The following ITPKB variants were observed in gnomAD, a reference collection of about 807,000 sequenced individuals.
ITPKB encodes the protein IP3 3-kinase B.
In ITPKB, 13 loss-of-function variants were observed where a neutral mutation model predicts 69.4. That is an observed-to-expected ratio of 0.19 (90% confidence interval 0.12 to 0.30). The LOEUF is 0.30. Among genes scored for constraint, ITPKB ranks in the 10% least tolerant of loss-of-function variants. The probability of loss-of-function intolerance (pLI) is 1.00; values close to 1 mark genes in which losing one functional copy is unlikely to be tolerated. For missense variants in ITPKB, 1,240 were observed against 1,250.5 expected, an observed-to-expected ratio of 0.99 and a Z score of 0.13; for synonymous variants, 584 against 513.7, an observed-to-expected ratio of 1.14 and a Z score of -1.85.
At chr1:226,652,293 G>A (rs1669210314) in intron 2 of ITPKB, among the ~76,000 whole-genome samples, 1 of 152,198 alleles carries the variant, frequency 6.6e-6, no homozygotes, top group Non-Finnish European at 1.5e-5. Flanking sequence ...GGAGACCACA[G>A]CATCTGCCTC....
intron 2 of ITPKB, among the ~76,000 whole-genome samples, chr1:226,676,747 C>T (rs906693493): frequency 5.9e-5 from 9 of 152,182 alleles, no homozygotes; most frequent in South Asian, 2.1e-4. Flanking sequence ...TTAAAAAGGA[C>T]GTAGGGTAAC....
At chr1:226,696,547 T>C (rs745789296) in intron 2 of ITPKB, among the ~76,000 whole-genome samples, 41 of 152,198 alleles carry the variant, frequency 2.7e-4, no homozygotes, top group Non-Finnish European at 4.0e-4. Flanking sequence ...TCTGAGAACA[T>C]AATTTCTAGT....
In ITPKB at chr1:226,736,077, G is replaced by C; in HGVS notation, c.1382C>G (p.Pro461Arg). The stretch of plus-strand genomic sequence containing the variant: ...TCCCGCCTCCACATTCCCGGTCCCC[G>C]GCTGTGCTGAGGGGCTGCCCCCAAG... Reference protein sequence around the residue: ...GLLGGSPSAQPGTGNVEAGIP... With the variant: ...GLLGGSPSAQRGTGNVEAGIP... The change falls in exon 2 of 8, where the codon CCG (proline) becomes CGG (arginine). Residue 461 changes from proline (P) to arginine (R), a missense_variant. Pro to Arg is a moderately radical substitution (Grantham distance 103). Coordinates refer to ENST00000429204, the MANE Select transcript of ITPKB (RefSeq NM_002221.4). 6.2e-7 allele frequency: 1 copy of C among 1,612,238 alleles called. No homozygotes were observed. Among genetic ancestry groups the C allele is most frequent in the Non-Finnish European group, 8.5e-7 (1 of 1,179,432 alleles).
intron 2 of ITPKB, among the ~76,000 whole-genome samples, chr1:226,724,923 G>A (rs909971408): frequency 2.6e-5 from 4 of 152,122 alleles, no homozygotes; most frequent in Non-Finnish European, 5.9e-5. Context: ...TCCAGCCTCC[G>A]TGAGCCTCTG....
intron 2 of ITPKB, among the ~76,000 whole-genome samples, chr1:226,720,506 G>C (rs923502878): frequency 2.0e-5 from 3 of 152,154 alleles, no homozygotes; most frequent in Non-Finnish European, 2.9e-5. Flanking sequence ...TGTGGGCTTG[G>C]GACTAACAAT....
At chr1:226,660,334 A>G (rs1362620753) in intron 2 of ITPKB, among the ~76,000 whole-genome samples, 1 of 151,980 alleles carries the variant, frequency 6.6e-6, no homozygotes, top group Admixed American at 6.6e-5. Flanking sequence ...TCAGGTCTGC[A>G]CTCCTTCCCT....
At chr1:226,694,394 G>T (rs1656428447) in intron 2 of ITPKB, among the ~76,000 whole-genome samples, 1 of 152,204 alleles carries the variant, frequency 6.6e-6, no homozygotes, top group South Asian at 2.1e-4. Context: ...TCTTTTCTGA[G>T]ACTGATCCTA....
At chr1:226,696,509 T>A (rs1220141807) in intron 2 of ITPKB, among the ~76,000 whole-genome samples, 1 of 152,202 alleles carries the variant, frequency 6.6e-6, no homozygotes, top group Non-Finnish European at 1.5e-5. Flanking sequence ...AAATGGCACA[T>A]GCCCGGCCCC....
intron 2 of ITPKB, chr1:226,707,647 G>C (rs1656836097): frequency 9.9e-6 from 10 of 1,006,994 alleles, no homozygotes; most frequent in Non-Finnish European, 1.1e-5. Flanking sequence ...AGTAACTCAA[G>C]GCCATCATCA....
intron 2 of ITPKB, among the ~76,000 whole-genome samples, chr1:226,688,977 G>A (rs1015310766): frequency 6.6e-6 from 1 of 152,120 alleles, no homozygotes; most frequent in Non-Finnish European, 1.5e-5. Flanking sequence ...ACTAGCTTGG[G>A]AGCAAGTTTG....
rs529378455 is a variant in ITPKB, at chr1:226,695,778, G to A, written c.1932+39749C>T. On this transcript the variant is annotated intron_variant, in intron 2 of 7. Transcript: ENST00000429204. ...AAGAGGGAAGAGAAGAAGGACAGGA[G>A]GGAGAGGACACGGGGGAGAAGACAA... is the stretch of plus-strand genomic sequence containing the variant. 1.4e-3 allele frequency among the ~76,000 whole-genome samples: 209 copies of A among 152,330 alleles called. 2 individuals are homozygous for A. Among genetic ancestry groups the A allele is most frequent in the African/African-American group, 4.8e-3 (199 of 41,574 alleles).
intron 2 of ITPKB, among the ~76,000 whole-genome samples, chr1:226,666,113 T>C (rs1413446484): frequency 6.6e-6 from 1 of 152,060 alleles, no homozygotes; most frequent in Non-Finnish European, 1.5e-5. Flanking sequence ...TCTCAGAAGA[T>C]AAAGAGAGGT....
In ITPKB at chr1:226,649,536, G is replaced by T. The variant is rs1347240069; in HGVS notation, c.1933-765C>A. ...GTGCATGTGTGTGATGTGTGCATGT[G>T]TGTGCATGCGTGTGTGATATGCACA... is the stretch of plus-strand genomic sequence containing the variant. On this transcript the variant is annotated intron_variant, in intron 2 of 7. Coordinates refer to ENST00000429204, the MANE Select transcript of ITPKB (RefSeq NM_002221.4). 4.0e-5 allele frequency among the ~76,000 whole-genome samples: 6 copies of T among 150,226 alleles called. No individual in the cohort carries two copies. The East Asian group carries it at 1.2e-3, about 29-fold the overall frequency.
chr1:226,654,615 C>A (rs1319467330), intron 2 of ITPKB, among the ~76,000 whole-genome samples: 2 of 152,176 alleles, frequency 1.3e-5, no homozygotes, highest in African/African-American at 4.8e-5. Flanking sequence ...AGCAGTTACT[C>A]CTCCCCACCT....
At chr1:226,646,572 C>T (rs529620305) in intron 4 of ITPKB, among the ~76,000 whole-genome samples, 42 of 152,286 alleles carry the variant, frequency 2.8e-4, no homozygotes, top group Non-Finnish European at 5.6e-4. Flanking sequence ...CAGTCCTGCA[C>T]ACAGGCCCAG....
At position 226,637,990 on chromosome 1, in the gene ITPKB, C is replaced by T. The variant is rs562921504; in HGVS notation, c.2554-240G>A. On this transcript the variant is annotated intron_variant, in intron 6 of 7. Transcript: ENST00000429204. This position sits in a 1 kb window ranked among gnomAD's most constrained non-coding sequence, Gnocchi z 4.3. ...AACCACAAATATCTCTCCCAGTGCC[C>T]TCTCCATGGAGCCCTATAAACCCAT... Among the ~76,000 whole-genome samples, 25 of 152,348 alleles carry T rather than the reference C, an allele frequency of 1.6e-4. No individual in the cohort carries two copies. In the South Asian group the frequency reaches 5.0e-3, roughly 30 times the overall value.
At chr1:226,659,297 C>T (rs376997433) in intron 2 of ITPKB, among the ~76,000 whole-genome samples, 2 of 152,102 alleles carry the variant, frequency 1.3e-5, no homozygotes, top group African/African-American at 2.4e-5. Context: ...AAGGCCCAGA[C>T]GGCAAGGACA....
At chr1:226,678,370 A>C (rs1343006897) in intron 2 of ITPKB, among the ~76,000 whole-genome samples, 1 of 152,216 alleles carries the variant, frequency 6.6e-6, no homozygotes, top group Admixed American at 6.5e-5. Flanking sequence ...CTTTCCCTAA[A>C]GGGGGAGGAA....
chr1:226,729,327 C>G (rs1253771999), intron 2 of ITPKB, among the ~76,000 whole-genome samples: 2 of 151,658 alleles, frequency 1.3e-5, no homozygotes, highest in African/African-American at 2.4e-5. Context: ...ACTAAAAATA[C>G]AAAAATTATC....
Sources: allele counts gnomAD v4.1 joint callset (sites outside exome capture counted in the v4.1 genomes callset), GRCh38; gene constraint gnomAD v4.1.1; non-coding constraint Gnocchi (gnomAD v3.1); transcripts MANE v1.5; gene names NCBI Gene and HGNC (gene_info 2026-07-23, HGNC 2026-07-21).